The following UNC79 variants were observed in gnomAD, a reference collection of about 807,000 sequenced individuals.
UNC79 encodes the protein protein unc-79 homolog.
A neutral mutation model predicts 283.1 loss-of-function variants in UNC79; 37 were observed. The ratio of observed to expected loss-of-function variants is 0.13; its 90% confidence interval spans 0.10 to 0.17. UNC79 has a LOEUF of 0.17. Ranked by LOEUF, UNC79 falls within the 10% of genes least tolerant of loss-of-function variation. The probability of loss-of-function intolerance (pLI) is 1.00; values close to 1 mark genes in which losing one functional copy is unlikely to be tolerated. For synonymous variants in UNC79, 1,107 were observed against 1,200.2 expected, an observed-to-expected ratio of 0.92 and a Z score of 1.61; for missense variants, 2,272 against 3,211.1, an observed-to-expected ratio of 0.71 and a Z score of 7.07.
rs191202435 is a variant in UNC79, at chr14:93,522,730, T to C, written c.899-1248T>C. ...TCTAAAAATATGATCAAAATGATAC[T>C]ATCTTATTATAGTAGTGGTCTCTGG... On this transcript the variant is annotated intron_variant, in intron 7 of 48. Transcript: ENST00000555664. Among the ~76,000 whole-genome samples, 257 of 152,282 alleles carry C rather than the reference T, an allele frequency of 1.7e-3. 3 individuals are homozygous for C. Among genetic ancestry groups the C allele is most frequent in the Non-Finnish European group, 2.6e-3 (177 of 67,986 alleles).
chr14:93,383,856 G>T (rs1167506464), intron 1 of UNC79, among the ~76,000 whole-genome samples: 1 of 151,972 alleles, frequency 6.6e-6, no homozygotes, highest in Admixed American at 6.6e-5. Flanking sequence ...TCTCATGATA[G>T]TGAATGAGTC....
At chr14:93,420,569 A>G (rs2055573584) in intron 1 of UNC79, among the ~76,000 whole-genome samples, 1 of 151,874 alleles carries the variant, frequency 6.6e-6, no homozygotes, top group South Asian at 2.1e-4. Context: ...AAATTAACAA[A>G]GAAACACTGG....
At chr14:93,469,863 C>T (rs1465888880) in intron 2 of UNC79, among the ~76,000 whole-genome samples, 1 of 152,062 alleles carries the variant, frequency 6.6e-6, no homozygotes, top group Non-Finnish European at 1.5e-5. Context: ...GCCTGGGTGA[C>T]AGAGCGACAC....
At chr14:93,349,799 C>T (rs2053946210) in intron 1 of UNC79, among the ~76,000 whole-genome samples, 1 of 152,152 alleles carries the variant, frequency 6.6e-6, no homozygotes, top group Non-Finnish European at 1.5e-5. Flanking sequence ...GCAAAATGTC[C>T]TTGTGGTTAA....
chr14:93,595,484 G>A (rs2065011269), intron 23 of UNC79, among the ~76,000 whole-genome samples: 2 of 152,078 alleles, frequency 1.3e-5, no homozygotes, highest in African/African-American at 4.8e-5. Context: ...CCATTCAGAT[G>A]GTCTGACTGC....
In UNC79 at chr14:93,662,793, C is replaced by T; in HGVS notation, c.6636+79C>T. The T allele has an allele frequency of 3.7e-6, 4 of 1,094,184 alleles. 1 individual carries two copies. The highest frequency in any genetic ancestry group is 5.2e-6 in the Non-Finnish European group (4 of 761,918). The allele number at this position is 1,094,184 out of a possible 1,614,324, so 67.8% of individuals were successfully genotyped here. ...TATTCTTTTGAATCAGTGTCAAGTC[C>T]CTTTTAGCTCAGTTGCTTCCATATA... On this transcript the variant is annotated intron_variant, in intron 40 of 48. Coordinates refer to ENST00000555664, the Ensembl canonical transcript of UNC79.
upstream of UNC79, among the ~76,000 whole-genome samples, chr14:93,429,025 C>T (rs948263585): frequency 6.6e-6 from 1 of 152,128 alleles, no homozygotes; most frequent in Non-Finnish European, 1.5e-5. Context: ...ATACTTTGTC[C>T]TTTGTTTCTG....
chr14:93,457,515 A>G (rs939841101), intron 1 of UNC79, among the ~76,000 whole-genome samples: 2 of 152,236 alleles, frequency 1.3e-5, no homozygotes, highest in Admixed American at 6.5e-5. Flanking sequence ...GTCTAGAAAC[A>G]TGGAGGAGTA....
At chr14:93,388,215 G>A (rs1013096964) in intron 1 of UNC79, among the ~76,000 whole-genome samples, 6 of 151,986 alleles carry the variant, frequency 3.9e-5, no homozygotes, top group East Asian at 1.9e-4. Flanking sequence ...GGGCTCAAGC[G>A]ATCCTTCTGG....
At chr14:93,383,268 CA>C (rs1274181980) in intron 1 of UNC79, among the ~76,000 whole-genome samples, 1 of 152,130 alleles carries the variant, frequency 6.6e-6, no homozygotes, top group Non-Finnish European at 1.5e-5. Flanking sequence ...TTTCTTTCTT[CA>C]GAAGAAGATG....
chr14:93,654,928 G>A (rs946154812), intron 37 of UNC79, among the ~76,000 whole-genome samples: 3 of 152,198 alleles, frequency 2.0e-5, no homozygotes, highest in African/African-American at 7.2e-5. Flanking sequence ...CAGTCTTTGT[G>A]CTGGGGATTA....
At chr14:93,335,435 T>C (rs1439630655) in intron 1 of UNC79, among the ~76,000 whole-genome samples, 1 of 152,276 alleles carries the variant, frequency 6.6e-6, no homozygotes, top group African/African-American at 2.4e-5. Flanking sequence ...TGGATCTTTG[T>C]ACTTAAGGAG....
At chr14:93,558,521 A>G (rs1406645127) in intron 14 of UNC79, among the ~76,000 whole-genome samples, 1 of 143,088 alleles carries the variant, frequency 7.0e-6, no homozygotes, top group Non-Finnish European at 1.5e-5. Flanking sequence ...GCGCCACTGC[A>G]CTCCAGCCTG....
chr14:93,513,805 C>A (rs2059937465), intron 7 of UNC79, among the ~76,000 whole-genome samples: 1 of 152,214 alleles, frequency 6.6e-6, no homozygotes. Flanking sequence ...ACCAGCCTCT[C>A]CTTCTCTGCC....
chr14:93,389,855 G>C (rs2054849466), intron 1 of UNC79, among the ~76,000 whole-genome samples: 1 of 152,176 alleles, frequency 6.6e-6, no homozygotes, highest in African/African-American at 2.4e-5. Context: ...GTTTTGCCAT[G>C]TTGGCCAGGC....
exon 13 of UNC79, chr14:93,540,750 C>A: frequency 3.1e-6 from 5 of 1,613,744 alleles, no homozygotes; most frequent in Non-Finnish European, 4.2e-6. Context: ...CCCACCATTC[C>A]CTGGATAATG....
chr14:93,507,709 T>G (rs2059615766), intron 7 of UNC79, among the ~76,000 whole-genome samples: 1 of 152,154 alleles, frequency 6.6e-6, no homozygotes, highest in South Asian at 2.1e-4. Context: ...GCATGAGTTT[T>G]TAATCTGGTA....
intron 4 of UNC79, 110 bp downstream of exon 4, chr14:93,477,838 T>C (rs2057891661): frequency 9.8e-7 from 1 of 1,022,552 alleles, no homozygotes; most frequent in South Asian, 1.7e-5. Flanking sequence ...AATCACTTGA[T>C]ATATACAGGA....
chr14:93,552,699 A>G (rs1338069102), intron 14 of UNC79, among the ~76,000 whole-genome samples: 1 of 151,214 alleles, frequency 6.6e-6, no homozygotes, highest in Non-Finnish European at 1.5e-5. Flanking sequence ...TGCCATATAA[A>G]CTTTTTTTTT....
Sources: allele counts gnomAD v4.1 joint callset (sites outside exome capture counted in the v4.1 genomes callset), GRCh38; gene constraint gnomAD v4.1.1; transcripts MANE v1.5; gene names NCBI Gene and HGNC (gene_info 2026-07-23, HGNC 2026-07-21).